Variants in AQP7B observed in about 807,000 individuals in gnomAD.
AQP7B encodes aquaporin 7B.
chr2:94,598,461 C>G, the AQP7B span, among the ~76,000 whole-genome samples: 1 of 152,136 alleles, frequency 6.6e-6, no homozygotes, highest in East Asian at 1.9e-4. Context: ...CCTGGAAAAC[C>G]AGCCATACAC....
At chr2:94,597,620 T>G in the AQP7B span, among the ~76,000 whole-genome samples, 1 of 151,354 alleles carries the variant, frequency 6.6e-6, no homozygotes, top group Non-Finnish European at 1.5e-5. Flanking sequence ...TTGTTTTTTT[T>G]TTTTTGTTTT....
At chr2:94,592,494 G>A in the AQP7B span, among the ~76,000 whole-genome samples, 1 of 152,098 alleles carries the variant, frequency 6.6e-6, no homozygotes, top group Non-Finnish European at 1.5e-5. Context: ...CTCCCATGCA[G>A]CATCGTATAG....
chr2:94,598,681 G>C, the AQP7B span, among the ~76,000 whole-genome samples: 2 of 152,346 alleles, frequency 1.3e-5, no homozygotes, highest in South Asian at 2.1e-4. Context: ...GGAAACTTCT[G>C]TTCTTCAAAA....
the AQP7B span, among the ~76,000 whole-genome samples, chr2:94,601,461 A>G: frequency 6.6e-5 from 10 of 152,340 alleles, no homozygotes; most frequent in African/African-American, 1.9e-4. Flanking sequence ...CGCATCAGGC[A>G]TAGCTGAAAC....
chr2:94,596,117 G>A, the AQP7B span, among the ~76,000 whole-genome samples: 3 of 152,244 alleles, frequency 2.0e-5, no homozygotes, highest in Admixed American at 6.5e-5. Context: ...AGCCGTCAGC[G>A]GCATGGGCAG....
chr2:94,591,650 T>C, the AQP7B span, among the ~76,000 whole-genome samples: 7 of 152,194 alleles, frequency 4.6e-5, no homozygotes, highest in South Asian at 1.0e-3. Context: ...CTCTGGCCCC[T>C]CTCTGCCCAT....
At chr2:94,587,529 G>T in the AQP7B span, among the ~76,000 whole-genome samples, 1 of 152,172 alleles carries the variant, frequency 6.6e-6, no homozygotes, top group South Asian at 2.1e-4. Context: ...TGGGGAAGGA[G>T]CCCTGGCTGG....
At chr2:94,604,328 C>T in the AQP7B span, 7 of 1,610,486 alleles carry the variant, frequency 4.3e-6, no homozygotes, top group Non-Finnish European at 5.9e-6. Flanking sequence ...GGTGGCACCA[C>T]TTCTGGGTGC....
At chr2:94,592,654 G>A in the AQP7B span, among the ~76,000 whole-genome samples, 2 of 151,932 alleles carry the variant, frequency 1.3e-5, no homozygotes, top group Non-Finnish European at 2.9e-5. Context: ...AGGGAATCCT[G>A]GAAGCCTGGC....
At chr2:94,588,578 G>A in the AQP7B span, 1 of 699,054 alleles carries the variant, frequency 1.4e-6, no homozygotes, top group Non-Finnish European at 2.5e-6. Context: ...TCACCCTCCA[G>A]CCCCCTGTCC....
At chr2:94,596,302 C>G in the AQP7B span, among the ~76,000 whole-genome samples, 1 of 152,346 alleles carries the variant, frequency 6.6e-6, no homozygotes, top group African/African-American at 2.4e-5. Flanking sequence ...CTGCCACTTA[C>G]CCCAGTGAGC....
At chr2:94,598,126 T>C in the AQP7B span, among the ~76,000 whole-genome samples, 1 of 152,202 alleles carries the variant, frequency 6.6e-6, no homozygotes, top group African/African-American at 2.4e-5. Context: ...GTAGCACTTG[T>C]AAAAGAACTT....
the AQP7B span, among the ~76,000 whole-genome samples, chr2:94,587,446 C>G: frequency 6.6e-6 from 1 of 152,160 alleles, no homozygotes; most frequent in Non-Finnish European, 1.5e-5. Flanking sequence ...GATGGGGCAG[C>G]CTCCTCAGTG....
the AQP7B span, chr2:94,603,946 G>A: frequency 2.7e-5 from 33 of 1,205,340 alleles, no homozygotes; most frequent in Non-Finnish European, 3.6e-5. Context: ...CCCCTGCCCA[G>A]GCCCATTCCT....
chr2:94,589,767 C>T, the AQP7B span, among the ~76,000 whole-genome samples: 1 of 151,964 alleles, frequency 6.6e-6, no homozygotes, highest in Non-Finnish European at 1.5e-5. Flanking sequence ...ATGGAAACAG[C>T]CTCCTCCGCC....
At chr2:94,593,678 G>A in the AQP7B span, among the ~76,000 whole-genome samples, 2 of 151,970 alleles carry the variant, frequency 1.3e-5, no homozygotes, top group African/African-American at 2.4e-5. Context: ...TAGAGATGGA[G>A]TTTCTCTATG....
At chr2:94,600,029 C>T in the AQP7B span, among the ~76,000 whole-genome samples, 6 of 152,030 alleles carry the variant, frequency 3.9e-5, no homozygotes, top group Non-Finnish European at 8.8e-5. Flanking sequence ...CAGGCAAGCA[C>T]CACCACGCCT....
At chr2:94,587,763 G>A in the AQP7B span, among the ~76,000 whole-genome samples, 1 of 152,130 alleles carries the variant, frequency 6.6e-6, no homozygotes, top group Admixed American at 6.5e-5. Context: ...GACCACAGGG[G>A]GAGGCGTGCA....
At chr2:94,595,020 G>C in the AQP7B span, 59 of 550,220 alleles carry the variant, frequency 1.1e-4, no homozygotes, top group South Asian at 5.9e-4. Flanking sequence ...AAGGAGTGGG[G>C]GCTTTCTCAT....
Sources: gnomAD v4.1 joint callset for allele counts (sites outside exome capture counted in the v4.1 genomes callset) on GRCh38, gnomAD v4.1.1 for gene constraint, MANE v1.5 for transcripts, NCBI Gene and HGNC (gene_info 2026-07-23, HGNC 2026-07-21) for gene names.